RAD51B: variants seen among roughly 807,000 people sequenced by gnomAD.
The protein encoded by RAD51B is DNA repair protein RAD51 homolog 2.
Under a neutral mutation model 42.2 loss-of-function variants are expected in RAD51B, and 38 were observed. That is an observed-to-expected ratio of 0.90 (90% CI 0.70 to 1.18). The LOEUF (loss-of-function observed/expected upper bound fraction) is 1.18. Ranked by LOEUF, RAD51B falls within the 50% of genes most tolerant of loss-of-function variation. The probability of loss-of-function intolerance (pLI) is 0.00; values close to 1 mark genes in which losing one functional copy is unlikely to be tolerated. For synonymous variants in RAD51B, 154 were observed against 145.2 expected, an observed-to-expected ratio of 1.06 and a Z score of -0.43; for missense variants, 373 against 400.7, an observed-to-expected ratio of 0.93 and a Z score of 0.59.
chr14:68,437,471 T>C (rs1212497359), intron 9 of RAD51B, among the ~76,000 whole-genome samples: 3 of 152,200 alleles, frequency 2.0e-5, no homozygotes, highest in Non-Finnish European at 2.9e-5. Flanking sequence ...TCCTTTTTCA[T>C]TGTGTCTTTG....
chr14:68,544,276 TG>T (rs1247257017), intron 10 of RAD51B, among the ~76,000 whole-genome samples: 3 of 152,220 alleles, frequency 2.0e-5, no homozygotes, highest in African/African-American at 7.2e-5. Flanking sequence ...TACTTGCTGC[TG>T]GAGGAAGGTT....
At chr14:68,213,679 T>C (rs185923147) in intron 7 of RAD51B, among the ~76,000 whole-genome samples, 105 of 152,288 alleles carry the variant, frequency 6.9e-4, no homozygotes, top group Admixed American at 6.8e-3. Flanking sequence ...TCATGGATCA[T>C]GGTGGCAGTA....
intron 7 of RAD51B, among the ~76,000 whole-genome samples, chr14:67,963,669 G>A (rs1307911636): frequency 6.6e-6 from 1 of 151,958 alleles, no homozygotes; most frequent in Non-Finnish European, 1.5e-5. Context: ...AGATTAGCCG[G>A]TTGCAATCTT....
chr14:68,252,069 C>A (rs2080645521), intron 7 of RAD51B, among the ~76,000 whole-genome samples: 1 of 152,202 alleles, frequency 6.6e-6, no homozygotes, highest in Admixed American at 6.5e-5. Flanking sequence ...TCTAAAGGGT[C>A]TTTTGCAACT....
chr14:68,526,177 G>A (rs1594942755), intron 10 of RAD51B, among the ~76,000 whole-genome samples: 1 of 152,210 alleles, frequency 6.6e-6, no homozygotes, highest in African/African-American at 2.4e-5. Flanking sequence ...TGTTGTTGCT[G>A]TTGTTTCTAT....
chr14:68,216,338 T>A (rs890771665), intron 7 of RAD51B, among the ~76,000 whole-genome samples: 11 of 152,248 alleles, frequency 7.2e-5, no homozygotes, highest in African/African-American at 2.4e-4. Context: ...AAGGGTTTAT[T>A]GGCAGTGAAC....
At chr14:68,200,229 G>T (rs1008154219) in intron 7 of RAD51B, among the ~76,000 whole-genome samples, 2 of 152,070 alleles carry the variant, frequency 1.3e-5, no homozygotes, top group African/African-American at 4.8e-5. Context: ...GTCCATGAAG[G>T]CAATCTCAGC....
intron 7 of RAD51B, among the ~76,000 whole-genome samples, chr14:67,965,997 G>T (rs1172657815): frequency 1.3e-5 from 2 of 152,138 alleles, no homozygotes; most frequent in Non-Finnish European, 2.9e-5. Flanking sequence ...GATTAAATTG[G>T]TTTGCAATAG....
intron 4 of RAD51B, among the ~76,000 whole-genome samples, chr14:67,843,685 G>C (rs1390876940): frequency 6.6e-6 from 1 of 151,276 alleles, no homozygotes; most frequent in Non-Finnish European, 1.5e-5. Context: ...TTGTATTTCT[G>C]TGGGGTCGAT....
intron 7 of RAD51B, among the ~76,000 whole-genome samples, chr14:68,257,967 G>A (rs1026414131): frequency 6.6e-6 from 1 of 152,064 alleles, no homozygotes; most frequent in Non-Finnish European, 1.5e-5. Flanking sequence ...TTTTTTGAAC[G>A]CTTACTAAGT....
At position 68,641,333 on chromosome 14, in the gene RAD51B, C is replaced by G. The variant is rs201954589; in HGVS notation, c.1037-9448C>G. 5.3e-5 allele frequency among the ~76,000 whole-genome samples: 8 copies of G among 152,264 alleles called. No homozygotes were observed. The East Asian group carries it at 5.8e-4, about 11-fold the overall frequency. On this transcript the variant is annotated intron_variant, in intron 10 of 11. Coordinates refer to the RAD51B transcript ENST00000488612. ...ATCCTGCAACCCTACTATAATTGCT[C>G]GAAGTCCCAGGAGCTTAAGAAGTTA...
chr14:67,864,995 T>TTTTTTTTTATTTTTA lies in RAD51B; in HGVS notation c.316-3_316-2insTTTATTTTTATTTTT. On this transcript the variant is annotated splice_region_variant and splice_polypyrimidine_tract_variant and intron_variant, in intron 4 of 10. Coordinates refer to ENST00000471583, the MANE Select transcript of RAD51B (RefSeq NM_133510.4). The stretch of plus-strand genomic sequence containing the variant: ...TTTTTTTTTTTTTTTTTTTTTTTTT[T>TTTTTTTTTATTTTTA]TTTTTAGATTACAGGTCCACCAGGT... 1 of 1,346,966 alleles carries TTTTTTTTTATTTTTA rather than the reference T, an allele frequency of 7.4e-7. No individual in the cohort carries two copies. The highest frequency in any genetic ancestry group is 1.8e-5 in the African/African-American group (1 of 54,712). 83.4% of individuals were successfully genotyped at this position (1,346,966 alleles called of 1,614,324 possible). A position where few individuals can be genotyped will look rare whatever the true frequency, so the allele number is the denominator to read the frequency against.
intron 7 of RAD51B, among the ~76,000 whole-genome samples, chr14:68,072,070 A>ATAATTATATATAATTATATATATTT (rs1440869222): frequency 0.031 from 3,194 of 102,250 alleles, 201 homozygotes; most frequent in Middle Eastern, 0.056. Flanking sequence ...TATTTATATA[A>ATAATTATATATAATTATATATATTT]ATATATAAAT....
At chr14:68,593,383 C>T (rs1205144807) in intron 10 of RAD51B, among the ~76,000 whole-genome samples, 1 of 152,232 alleles carries the variant, frequency 6.6e-6, no homozygotes, top group African/African-American at 2.4e-5. Flanking sequence ...AAGCTCTCGC[C>T]AGCCGATGAT....
intron 8 of RAD51B, among the ~76,000 whole-genome samples, chr14:68,371,063 A>AAAAAAAAAAACAAAAAAAAAAAAAAAAAT (rs2083251234): frequency 6.8e-6 from 1 of 146,508 alleles, no homozygotes; most frequent in Admixed American, 6.8e-5. Flanking sequence ...AAAGAAAAAA[A>AAAAAAAAAAACAAAAAAAAAAAAAAAAAT]GAAAAGAAAA....
chr14:68,126,984 G>A (rs2077774095), intron 7 of RAD51B, among the ~76,000 whole-genome samples: 1 of 152,172 alleles, frequency 6.6e-6, no homozygotes, highest in South Asian at 2.1e-4. Flanking sequence ...ACCTTCCAGA[G>A]TATAAGCTAA....
chr14:68,668,327 A>G (rs1280683270), intron 11 of RAD51B, among the ~76,000 whole-genome samples: 1 of 151,974 alleles, frequency 6.6e-6, no homozygotes, highest in Admixed American at 6.6e-5. Context: ...TTGTCTGAGG[A>G]CCTTCATTAG....
At chr14:68,549,430 T>TTTTTTTTTTTTTTTTTTTTTTTA (rs1888407490) in intron 10 of RAD51B, among the ~76,000 whole-genome samples, 1 of 109,526 alleles carries the variant, frequency 9.1e-6, no homozygotes, top group Non-Finnish European at 2.0e-5. Context: ...TTTTTTTTTT[T>TTTTTTTTTTTTTTTTTTTTTTTA]TTTGAGACGG....
chr14:67,951,752 G>A (rs549634123), intron 7 of RAD51B, among the ~76,000 whole-genome samples: 6 of 152,088 alleles, frequency 3.9e-5, no homozygotes, highest in African/African-American at 1.4e-4. Context: ...TATTTTATGA[G>A]GTGATCTGAT....
Sources: gnomAD v4.1 joint callset for allele counts (sites outside exome capture counted in the v4.1 genomes callset) on GRCh38, gnomAD v4.1.1 for gene constraint, MANE v1.5 for transcripts, NCBI Gene and HGNC (gene_info 2026-07-23, HGNC 2026-07-21) for gene names.